Variants in RNF128 observed in about 807,000 individuals in gnomAD.
RNF128 encodes the protein E3 ubiquitin-protein ligase RNF128.
RNF128 carries 13 observed loss-of-function variants against 26.2 expected under a neutral mutation model. The ratio of observed to expected loss-of-function variants is 0.50; its 90% CI spans 0.32 to 0.79. The LOEUF is 0.79. Ranked by LOEUF, RNF128 falls within the 30% of genes least tolerant of loss-of-function variation. The probability of loss-of-function intolerance (pLI) is 0.03; values close to 1 mark genes in which losing one functional copy is unlikely to be tolerated. For missense variants in RNF128, 315 were observed against 349.7 expected, an observed-to-expected ratio of 0.90 and a Z score of 0.79; for synonymous variants, 149 against 142.5, an observed-to-expected ratio of 1.05 and a Z score of -0.32.
intron 1 of RNF128, among the ~76,000 whole-genome samples, chrX:106,728,456 G>T (rs1376738696): frequency 8.9e-6 from 1 of 111,885 alleles, no homozygotes; most frequent in East Asian, 2.8e-4. Context: ...TTGCCTTCAG[G>T]ATAAAATGAA....
intron 2 of RNF128, among the ~76,000 whole-genome samples, chrX:106,774,495 A>G (rs1429778249): frequency 8.9e-6 from 1 of 112,432 alleles, no homozygotes; most frequent in African/African-American, 3.2e-5. Context: ...CAAACATAGT[A>G]TTATTGCTCC....
chrX:106,699,718 A>C (rs960219546), intron 1 of RNF128, among the ~76,000 whole-genome samples: 1 of 111,852 alleles, frequency 8.9e-6, no homozygotes, highest in Non-Finnish European at 1.9e-5. Context: ...GCCTCTGCCT[A>C]TCTCTCCAAC....
At chrX:106,764,874 A>G (rs1930188695) in intron 1 of RNF128, among the ~76,000 whole-genome samples, 1 of 111,920 alleles carries the variant, frequency 8.9e-6, no homozygotes, top group African/African-American at 3.2e-5. Flanking sequence ...TTCCTGAGAG[A>G]TGGCTCTTAG....
intron 1 of RNF128, among the ~76,000 whole-genome samples, chrX:106,771,924 T>C (rs1030085894): frequency 1.8e-5 from 2 of 112,436 alleles, no homozygotes; most frequent in African/African-American, 6.5e-5. Context: ...TTATTCCAGA[T>C]TGGAGTTGGA....
intron 1 of RNF128, among the ~76,000 whole-genome samples, chrX:106,698,234 A>T (rs1928902671): frequency 9.2e-6 from 1 of 108,530 alleles, no homozygotes; most frequent in Non-Finnish European, 1.9e-5. Context: ...AAATGTCTTA[A>T]GAAATGCTTA....
chrX:106,754,289 G>T (rs1178451065), intron 1 of RNF128, among the ~76,000 whole-genome samples: 1 of 108,410 alleles, frequency 9.2e-6, no homozygotes, highest in Non-Finnish European at 1.9e-5. Flanking sequence ...GCATGATTTC[G>T]GCTCACTGCA....
chrX:106,763,927 TTTTGGTTTGG>T (rs749984429), intron 1 of RNF128, among the ~76,000 whole-genome samples: 120 of 105,780 alleles, frequency 1.1e-3, no homozygotes, highest in African/African-American at 3.8e-3. Flanking sequence ...TATCCTTGTT[TTTTGGTTTGG>T]TTTGGTTTGG....
At chrX:106,771,540 G>A (rs954398237) in intron 1 of RNF128, among the ~76,000 whole-genome samples, 1 of 112,872 alleles carries the variant, frequency 8.9e-6, no homozygotes, top group African/African-American at 3.2e-5. Context: ...CATGGGCATG[G>A]GACCCTCTGA....
At chrX:106,756,609 C>A (rs1602380731) in intron 1 of RNF128, among the ~76,000 whole-genome samples, 1 of 109,055 alleles carries the variant, frequency 9.2e-6, no homozygotes, top group Admixed American at 9.8e-5. Context: ...AAGATTTAAA[C>A]GTTAGACCTA....
At chrX:106,767,749 A>G (rs1362735917) in intron 1 of RNF128, among the ~76,000 whole-genome samples, 1 of 111,416 alleles carries the variant, frequency 9.0e-6, no homozygotes, top group Non-Finnish European at 1.9e-5. Flanking sequence ...TTCCAACACT[A>G]TGTTGAATAG....
intron 2 of RNF128, among the ~76,000 whole-genome samples, chrX:106,773,746 A>G (rs1003411422): frequency 9.0e-6 from 1 of 111,258 alleles, no homozygotes; most frequent in Non-Finnish European, 1.9e-5. Context: ...ATAAAAAGGT[A>G]CAAGGTACAC....
intron 1 of RNF128, among the ~76,000 whole-genome samples, chrX:106,767,016 G>A (rs1490513363): frequency 7.2e-5 from 8 of 111,119 alleles, no homozygotes; most frequent in South Asian, 3.8e-4. Context: ...GTCAAAGATC[G>A]GATGGTTGTA....
intron 2 of RNF128, among the ~76,000 whole-genome samples, chrX:106,775,514 A>G (rs1430913037): frequency 8.9e-6 from 1 of 111,904 alleles, no homozygotes; most frequent in African/African-American, 3.2e-5. Context: ...CAAGAATAGC[A>G]TTAAAACTTC....
intron 1 of RNF128, among the ~76,000 whole-genome samples, chrX:106,738,457 A>G (rs1355199464): frequency 9.0e-6 from 1 of 111,711 alleles, no homozygotes; most frequent in East Asian, 2.8e-4. Flanking sequence ...AGCAGAAAAA[A>G]CGGAACATCC....
intron 1 of RNF128, among the ~76,000 whole-genome samples, chrX:106,771,343 C>A (rs1053843448): frequency 9.7e-5 from 11 of 112,832 alleles, no homozygotes; most frequent in African/African-American, 3.2e-4. Flanking sequence ...CTATGCCCTA[C>A]CCCCAGAGGT....
At chrX:106,766,795 T>A (rs988321423) in intron 1 of RNF128, among the ~76,000 whole-genome samples, 1 of 112,083 alleles carries the variant, frequency 8.9e-6, no homozygotes, top group Non-Finnish European at 1.9e-5. Context: ...TGCCCATGCC[T>A]ATGGCCTGAA....
Position 106,791,181 on chromosome X carries a change from C to T in RNF128, c.1100C>T (p.Ala367Val), listed in dbSNP as rs767114551. 2 of 1,209,756 alleles carry T rather than the reference C, an allele frequency of 1.7e-6. No homozygotes were observed. The highest frequency in any genetic ancestry group is 2.2e-6 in the Non-Finnish European group (2 of 894,201). ...NRSETASSGY[A>V]SVQGTDEPPL... ...AGCGAGACCGCATCATCTGGATATGCTTCAGTACAGGGAACAGATGAACCG... is the reference window on the plus strand; with the variant it reads ...AGCGAGACCGCATCATCTGGATATGTTTCAGTACAGGGAACAGATGAACCG... The change falls in exon 6 of 7, where the codon GCT (alanine) becomes GTT (valine). Residue 367 changes from alanine (A) to valine (V), a missense_variant. By Grantham distance (64) the Ala-to-Val change is moderately conservative. Transcript: ENST00000255499.
chrX:106,771,550 A>G (rs1930370910), intron 1 of RNF128, among the ~76,000 whole-genome samples: 1 of 112,772 alleles, frequency 8.9e-6, no homozygotes, highest in Admixed American at 9.3e-5. Context: ...GGACCCTCTG[A>G]GCCAGGCGCG....
chrX:106,734,871 C>T (rs1358894522), intron 1 of RNF128, among the ~76,000 whole-genome samples: 1 of 112,005 alleles, frequency 8.9e-6, no homozygotes, highest in Non-Finnish European at 1.9e-5. Flanking sequence ...CTCTTCACTG[C>T]ACTGGGGTTA....
Sources: gnomAD v4.1 joint callset for allele counts (sites outside exome capture counted in the v4.1 genomes callset) on GRCh38, gnomAD v4.1.1 for gene constraint, MANE v1.5 for transcripts, NCBI Gene and HGNC (gene_info 2026-07-23, HGNC 2026-07-21) for gene names.